The following ARHGEF18 variants were observed in gnomAD, a reference collection of about 807,000 sequenced individuals.
The protein encoded by ARHGEF18 is rho guanine nucleotide exchange factor 18.
A neutral mutation model predicts 155.7 loss-of-function variants in ARHGEF18; 93 were observed. That is an observed-to-expected ratio of 0.60 (90% confidence interval 0.50 to 0.71). ARHGEF18 has a LOEUF of 0.71. Among genes scored for constraint, ARHGEF18 ranks in the 30% least tolerant of loss-of-function variants. The pLI is 0.00. For missense variants in ARHGEF18, 1,593 were observed against 1,816.1 expected, an observed-to-expected ratio of 0.88 and a Z score of 2.23; for synonymous variants, 742 against 753.1, an observed-to-expected ratio of 0.99 and a Z score of 0.24.
intron 18 of ARHGEF18, among the ~76,000 whole-genome samples, chr19:7,457,651 C>A (rs534036717): frequency 6.6e-6 from 1 of 152,138 alleles, no homozygotes; most frequent in Non-Finnish European, 1.5e-5. Flanking sequence ...GAGTGAGCCA[C>A]CACACCCGCA....
chr19:7,467,734 C>A (rs897597128), intron 26 of ARHGEF18, 50 bp downstream of exon 26: 7 of 1,411,254 alleles, frequency 5.0e-6, no homozygotes, highest in Non-Finnish European at 6.4e-6. Flanking sequence ...CCGGTTTGCA[C>A]GTGCATTTGC....
intron 27 of ARHGEF18, 61 bp from the exon 28 acceptor site, chr19:7,469,843 C>T (rs1976904954): frequency 1.3e-5 from 21 of 1,583,878 alleles, no homozygotes; most frequent in Non-Finnish European, 1.7e-5. Flanking sequence ...TCGGAGGCTG[C>T]CCTGGCGGGT....
intron 10 of ARHGEF18, among the ~76,000 whole-genome samples, chr19:7,418,396 G>A (rs1426281224): frequency 6.6e-6 from 1 of 152,062 alleles, no homozygotes; most frequent in East Asian, 1.9e-4. Flanking sequence ...GTAACTGGGA[G>A]CACAGGCGTG....
At position 7,471,647 on chromosome 19, in the gene ARHGEF18, A is replaced by G. The variant is rs1440307769; in HGVS notation, c.*1349A>G. On this transcript the variant is annotated 3_prime_UTR_variant, in exon 29 of 29. Coordinates refer to ENST00000668164, the MANE Select transcript of ARHGEF18 (RefSeq NM_001367823.1). This position sits in a 1 kb window ranked among gnomAD's most constrained non-coding sequence, Gnocchi z 4.4. The stretch of plus-strand genomic sequence containing the variant: ...GGCAGAGGCACTCCTGTGACGCTGA[A>G]TACAGTGAACAGGGACATTCCCGCC... 6.6e-6 allele frequency: 1 copy of G among 152,228 alleles called. No individual in the cohort carries two copies. Among genetic ancestry groups the G allele is most frequent in the Non-Finnish European group, 1.5e-5 (1 of 68,072 alleles). 9.4% of individuals were successfully genotyped at this position (152,228 alleles called of 1,614,324 possible).
chr19:7,370,669 G>A (rs974653358), intron 2 of ARHGEF18, among the ~76,000 whole-genome samples: 2 of 152,132 alleles, frequency 1.3e-5, no homozygotes, highest in African/African-American at 2.4e-5. Context: ...GATGGAAAGA[G>A]CCCAGGTGTC....
At chr19:7,365,604 G>T (rs929204133) in intron 2 of ARHGEF18, among the ~76,000 whole-genome samples, 1 of 152,182 alleles carries the variant, frequency 6.6e-6, no homozygotes, top group South Asian at 2.1e-4. Context: ...GGAACGGTGG[G>T]CTCTGGGGAA....
chr19:7,410,377 T>C (rs1344427911), intron 10 of ARHGEF18, among the ~76,000 whole-genome samples: 3 of 151,582 alleles, frequency 2.0e-5, no homozygotes, highest in Non-Finnish European at 2.9e-5. Context: ...AATTGTTGGC[T>C]TGAAATATAT....
intron 2 of ARHGEF18, among the ~76,000 whole-genome samples, chr19:7,371,812 C>A (rs75526687): frequency 6.9e-6 from 1 of 144,210 alleles, no homozygotes; most frequent in East Asian, 2.0e-4. Context: ...CAGAGCAAGA[C>A]TCCATCTCAA....
rs1600290948 is a variant in ARHGEF18 at position 7,397,181 on chromosome 19, T to G, written c.967+13978T>G. Among the ~76,000 whole-genome samples the G allele has an allele frequency of 2.0e-5, 3 of 152,176 alleles. No homozygotes were observed. The East Asian group carries it at 5.8e-4, about 29-fold the overall frequency. ...AGCTGGCAGGCATAATACATTTCAT[T>G]TTTGTAAACGTTACTTTGTTTTGGT... is the stretch of plus-strand genomic sequence containing the variant. On this transcript the variant is annotated intron_variant, in intron 10 of 28. Transcript: ENST00000668164.
At chr19:7,461,899 A>T (rs1600529189) in intron 20 of ARHGEF18, among the ~76,000 whole-genome samples, 7 of 152,016 alleles carry the variant, frequency 4.6e-5, no homozygotes, top group African/African-American at 1.7e-4. Context: ...GAGTCCTCCT[A>T]CCTTGGCTTC....
At chr19:7,374,542 G>T (rs1420634340) in intron 3 of ARHGEF18, among the ~76,000 whole-genome samples, 2 of 151,992 alleles carry the variant, frequency 1.3e-5, no homozygotes, top group East Asian at 3.9e-4. Flanking sequence ...GCCAGGTGTG[G>T]TAGTGCACAC....
chr19:7,444,379 C>T lies in ARHGEF18; in HGVS notation c.1536C>T (p.Arg512=). The change falls in exon 14 of 29, where the codon CGC becomes CGT. Residue 512 remains arginine, a synonymous_variant. Coordinates refer to ENST00000668164, the MANE Select transcript of ARHGEF18 (RefSeq NM_001367823.1). The surrounding 1 kb of genome is among the most constrained non-coding windows in gnomAD (Gnocchi z 4.7). The part of the protein sequence containing the change: ...HSHFLARLKE[R]RQESLEEGSD... ...ACTTCCTCGCTCGGCTCAAGGAGCGCCGCCAGGAGTCCCTGGAGGAGGGCA... is the reference window on the plus strand; with the variant it reads ...ACTTCCTCGCTCGGCTCAAGGAGCGTCGCCAGGAGTCCCTGGAGGAGGGCA... The T allele has an allele frequency of 1.9e-6, 3 of 1,613,674 alleles. No homozygotes were observed. The highest frequency in any genetic ancestry group is 2.5e-6 in the Non-Finnish European group (3 of 1,180,028).
rs1568370455 is a variant in ARHGEF18 at position 7,470,010 on chromosome 19, C to T, written c.3894C>T (p.His1298=). 6.2e-7 allele frequency: 1 copy of T among 1,613,006 alleles called. No homozygotes were observed. Among genetic ancestry groups the T allele is most frequent in the African/African-American group, 1.3e-5 (1 of 75,020 alleles). ...TGAGCCCTATCCTGCCCGGCAGACA[C>T]AGTCCTGCGCCCCCACCAGGTGAGC... ...RSLSPILPGR[H]SPAPPPDPGF... Residue 1298 remains histidine (H), a synonymous_variant, in exon 28 of 29, where the codon CAC becomes CAT. Coordinates refer to ENST00000668164, the MANE Select transcript of ARHGEF18 (RefSeq NM_001367823.1). The surrounding 1 kb of genome is among the most constrained non-coding windows in gnomAD (Gnocchi z 5.9).
intron 10 of ARHGEF18, among the ~76,000 whole-genome samples, chr19:7,428,001 GGAATA>G (rs1222215626): frequency 1.3e-5 from 2 of 152,082 alleles, no homozygotes; most frequent in East Asian, 3.8e-4. Context: ...CTCTTTTAAA[GGAATA>G]GAATAAGAGT....
chr19:7,457,298 A>C (rs1975896749), intron 18 of ARHGEF18, among the ~76,000 whole-genome samples: 1 of 148,540 alleles, frequency 6.7e-6, no homozygotes. Flanking sequence ...GAAGGATGCC[A>C]GTCAGATTGG....
At chr19:7,436,734 G>T (rs533376256) in intron 10 of ARHGEF18, among the ~76,000 whole-genome samples, 2 of 152,310 alleles carry the variant, frequency 1.3e-5, no homozygotes, top group African/African-American at 4.8e-5. Flanking sequence ...CGCCATATTT[G>T]TACGTTTAGG....
In ARHGEF18 at chr19:7,467,090, C is replaced by T; in HGVS notation, c.2981C>T (p.Thr994Ile). ...CCGCAGCTTGTCCAGCGGATCCAGA[C>T]ACTGTCCCAGCTGCTCCTGAACCTT... is the stretch of plus-strand genomic sequence containing the variant. Reference protein sequence around the residue: ...LESELVQRIQTLSQLLLNLQA... With the variant: ...LESELVQRIQILSQLLLNLQA... Residue 994 changes from threonine (T) to isoleucine (I), a missense_variant, in exon 25 of 29, where the codon ACA becomes ATA. By Grantham distance (89) the Thr-to-Ile change is moderately conservative (BLOSUM62 -1). Coordinates refer to ENST00000668164, the MANE Select transcript of ARHGEF18 (RefSeq NM_001367823.1). 1 of 1,608,104 alleles carries T rather than the reference C, an allele frequency of 6.2e-7. No individual in the cohort carries two copies. Among genetic ancestry groups the T allele is most frequent in the Non-Finnish European group, 8.5e-7 (1 of 1,175,930 alleles).
chr19:7,462,391 G>T lies in ARHGEF18; in HGVS notation c.2635+57G>T. ...GTCTTGCCGGGGTGGGCTCCTCAGG[G>T]AACCCCAGGCCAGGCTCACGGCTCA... On this transcript the variant is annotated intron_variant, in intron 21 of 28. Transcript: ENST00000668164. This position sits in a 1 kb window ranked among gnomAD's most constrained non-coding sequence, Gnocchi z 4.4. The T allele has an allele frequency of 6.7e-7, 1 of 1,500,412 alleles. No homozygotes were observed. Among genetic ancestry groups the T allele is most frequent in the Non-Finnish European group, 8.9e-7 (1 of 1,127,374 alleles). 92.9% of individuals were successfully genotyped at this position (1,500,412 alleles called of 1,614,324 possible).
chr19:7,415,477 C>T (rs556315224), intron 10 of ARHGEF18, among the ~76,000 whole-genome samples: 1 of 152,168 alleles, frequency 6.6e-6, no homozygotes, highest in East Asian at 1.9e-4. Context: ...GCCATCGTTT[C>T]GAGAAGCAGA....
Sources: allele counts gnomAD v4.1 joint callset (sites outside exome capture counted in the v4.1 genomes callset), GRCh38; gene constraint gnomAD v4.1.1; non-coding constraint Gnocchi (gnomAD v3.1); transcripts MANE v1.5; gene names NCBI Gene and HGNC (gene_info 2026-07-23, HGNC 2026-07-21).